The following ZNF318 variants were observed in gnomAD, a reference collection of about 807,000 sequenced individuals.
ZNF318 encodes zinc finger protein 318.
ZNF318 carries 51 observed loss-of-function variants against 124.2 expected under a neutral mutation model. That is an observed-to-expected ratio of 0.41 (90% CI 0.33 to 0.52). The LOEUF (loss-of-function observed/expected upper bound fraction) is 0.52. Ranked by LOEUF, ZNF318 falls within the 20% of genes least tolerant of loss-of-function variation. The pLI is 0.23. For synonymous variants in ZNF318, 1,090 were observed against 1,040.7 expected (o/e 1.05, Z -0.91); for missense variants, 2,815 against 2,811.2 (o/e 1.00, Z -0.03).
rs1779620091 is a variant in ZNF318 at position 43,357,161 on chromosome 6, G to A, written c.1153C>T (p.Arg385Trp). The A allele has an allele frequency of 3.1e-6, 5 of 1,613,870 alleles. No individual in the cohort carries two copies. The highest frequency in any genetic ancestry group is 3.4e-6 in the Non-Finnish European group (4 of 1,179,874). Residue 385 changes from arginine to tryptophan, a missense_variant, in exon 3 of 10, where the codon CGG (arginine) becomes TGG (tryptophan). Arg to Trp is a moderately radical substitution (Grantham distance 101, BLOSUM62 -3). Around this residue, in one of 4 missense-constraint regions of ZNF318, gnomAD observed 1,377 missense variants for 1,353.5 expected, o/e 1.02. Coordinates refer to ENST00000361428, the MANE Select transcript of ZNF318 (RefSeq NM_014345.3). ...GGCTCCATTATGTCCACCTCAATCC[G>A]CTTCTTCAAAATGGATTTCTTGGGC... ...VMPKKSILKKRIEVDIMEPSM... is the reference protein window; with the variant it reads ...VMPKKSILKKWIEVDIMEPSM...
Position 43,357,596 on chromosome 6 carries a change from T to C in ZNF318, c.718A>G (p.Ile240Val), listed in dbSNP as rs1456860487. ...FLHRSDYSPH[I>V]SCHDELLRGT... The stretch of plus-strand genomic sequence containing the variant: ...CGCAACAGCTCATCATGACAACTGA[T>C]ATGGGGACTATAATCAGATCGATGC... Residue 240 changes from isoleucine to valine, a missense_variant, in exon 3 of 10, where the codon ATC becomes GTC. Physicochemically the swap from Ile to Val is conservative, Grantham distance 29. Transcript: ENST00000361428. 3.1e-6 allele frequency: 5 copies of C among 1,614,146 alleles called. No homozygotes were observed. The highest frequency in any genetic ancestry group is 2.2e-5 in the South Asian group (2 of 91,080).
intron 6 of ZNF318, among the ~76,000 whole-genome samples, chr6:43,344,554 G>A (rs1417726502): frequency 2.0e-5 from 3 of 152,138 alleles, no homozygotes; most frequent in Admixed American, 6.5e-5. Context: ...ATGTAAATCG[G>A]CATACAGCGT....
chr6:43,339,307 T>C lies in ZNF318; in HGVS notation c.4691A>G (p.Asn1564Ser), dbSNP rs377728999. 7 of 1,614,110 alleles carry C rather than the reference T, an allele frequency of 4.3e-6. No individual in the cohort carries two copies. Among genetic ancestry groups the C allele is most frequent in the Non-Finnish European group, 5.1e-6 (6 of 1,180,048 alleles). ...EKRNSCLATA[N>S]AKDLYDIFYS... ...GAATATGTCATACAGGTCCTTAGCA[T>C]TGGCTGTGGCTAAGCATGAATTTCG... Residue 1564 changes from asparagine to serine, a missense_variant, in exon 10 of 10, where the codon AAT (asparagine) becomes AGT (serine). Physicochemically the swap from Asn to Ser is conservative, Grantham distance 46 (BLOSUM62 1). Around this residue, in one of 4 missense-constraint regions of ZNF318, gnomAD observed 11 missense variants for 31.9 expected, o/e 0.35. Transcript: ENST00000361428. This position sits in a 1 kb window ranked among gnomAD's most constrained non-coding sequence, Gnocchi z 4.2.
rs73416705 is a variant in ZNF318, at chr6:43,360,382, C to T, written c.549-2617G>A. Among the ~76,000 whole-genome samples the T allele has an allele frequency of 1.8e-3, 271 of 152,320 alleles. 2 individuals are homozygous for T. The highest frequency in any genetic ancestry group is 6.1e-3 in the African/African-American group (253 of 41,576). Reference sequence around the variant, plus strand: ...CAAAAGGATATGAGAAGAGAACTGGCTGTAGTAAGAACCCTAAAAAGGGTA... The same window carrying T: ...CAAAAGGATATGAGAAGAGAACTGGTTGTAGTAAGAACCCTAAAAAGGGTA... On this transcript the variant is annotated intron_variant, in intron 2 of 9. Transcript: ENST00000361428.
At chr6:43,346,524 CAA>C (rs59587962) in intron 6 of ZNF318, among the ~76,000 whole-genome samples, 2,904 of 104,532 alleles carry the variant, frequency 0.028, 69 homozygotes, top group African/African-American at 0.065. Flanking sequence ...CATCTTTAAC[CAA>C]AAAAAAAAAA....
intron 4 of ZNF318, among the ~76,000 whole-genome samples, chr6:43,353,804 T>G (rs1018642618): frequency 6.6e-6 from 1 of 152,248 alleles, no homozygotes; most frequent in East Asian, 1.9e-4. Context: ...AAAATTCTTC[T>G]ATTATGTATT....
At chr6:43,352,171 T>TCACCAC (rs1779536107) in intron 5 of ZNF318, among the ~76,000 whole-genome samples, 5 of 56,740 alleles carry the variant, frequency 8.8e-5, no homozygotes, top group African/African-American at 6.2e-4. Context: ...ATCATCATCA[T>TCACCAC]CATCATCATC....
intron 5 of ZNF318, among the ~76,000 whole-genome samples, chr6:43,352,119 G>C (rs564521716): frequency 8.6e-5 from 6 of 70,128 alleles, no homozygotes; most frequent in Non-Finnish European, 1.5e-4. Flanking sequence ...ACTCCAGCCT[G>C]GGTGAAAGAG....
chr6:43,359,111 G>C (rs1052910188), intron 2 of ZNF318, among the ~76,000 whole-genome samples: 33 of 152,164 alleles, frequency 2.2e-4, no homozygotes, highest in Non-Finnish European at 1.0e-4. Flanking sequence ...ATAAGATTTA[G>C]AAGGTTCTCC....
rs916943674 is a variant in ZNF318, at chr6:43,369,523, C to G, written c.-158G>C. The G allele has an allele frequency of 2.3e-5, 10 of 426,158 alleles. No homozygotes were observed. Among genetic ancestry groups the G allele is most frequent in the Non-Finnish European group, 2.5e-5 (8 of 318,436 alleles). The allele number at this position is 426,158 out of a possible 1,614,324, so 26.4% of individuals were successfully genotyped here. A position where few individuals can be genotyped will look rare whatever the true frequency, so the allele number is the denominator to read the frequency against. On this transcript the variant is annotated 5_prime_UTR_variant, in exon 1 of 10. Transcript: ENST00000361428. ...CCCTCCCCTCGGCCCCGCGTCGCCC[C>G]GGGGGCCCGGCCGAGCGCGCCCCCG...
Position 43,338,081 on chromosome 6 carries a change from C to T in ZNF318, c.5917G>A (p.Glu1973Lys), listed in dbSNP as rs1164278906. 3 of 1,614,170 alleles carry T rather than the reference C, an allele frequency of 1.9e-6. No homozygotes were observed. The highest frequency in any genetic ancestry group is 2.5e-6 in the Non-Finnish European group (3 of 1,180,030). ...TCCAGTGCTTCTGTTTTTGGTTTCTCTGGGCTCTCCCAGGTCTCTGGCCTC... is the reference window on the plus strand; with the variant it reads ...TCCAGTGCTTCTGTTTTTGGTTTCTTTGGGCTCTCCCAGGTCTCTGGCCTC... Reference protein sequence around the residue: ...KKRPETWESPEKPKTEALELQ... With the variant: ...KKRPETWESPKKPKTEALELQ... The change falls in exon 10 of 10, where the codon GAG (glutamate) becomes AAG (lysine). Residue 1973 changes from glutamate (E) to lysine (K), a missense_variant. This residue lies in a region of ZNF318 where 927 missense variants were observed against 820.6 expected (regional missense o/e 1.13). Coordinates refer to ENST00000361428, the MANE Select transcript of ZNF318 (RefSeq NM_014345.3).
At chr6:43,361,002 T>C (rs1023868305) in intron 2 of ZNF318, among the ~76,000 whole-genome samples, 1 of 152,182 alleles carries the variant, frequency 6.6e-6, no homozygotes, top group African/African-American at 2.4e-5. Flanking sequence ...TAAAATTGAT[T>C]GTAGTGAGGG....
intron 6 of ZNF318, among the ~76,000 whole-genome samples, chr6:43,347,960 T>C (rs1385891329): frequency 1.3e-5 from 2 of 152,170 alleles, no homozygotes; most frequent in Non-Finnish European, 2.9e-5. Flanking sequence ...AGAAGTAAAA[T>C]GTATTTACTG....
rs1162381558 is a variant in ZNF318, at chr6:43,338,617, T to A, written c.5381A>T (p.Asp1794Val). 6.2e-7 allele frequency: 1 copy of A among 1,614,042 alleles called. No homozygotes were observed. The highest frequency in any genetic ancestry group is 2.2e-5 in the East Asian group (1 of 44,900). The change falls in exon 10 of 10, where the codon GAT becomes GTT. Residue 1794 changes from aspartate (D) to valine (V), a missense_variant. Coordinates refer to ENST00000361428, the MANE Select transcript of ZNF318 (RefSeq NM_014345.3). Reference sequence around the variant, plus strand: ...TCCAATGCTGGTACTTACTCCCTCATCAACTATCCCCTCAGACAGCTCCTT... The same window carrying A: ...TCCAATGCTGGTACTTACTCCCTCAACAACTATCCCCTCAGACAGCTCCTT... ...RVKELSEGIV[D>V]EGVSTSIGPH... is the part of the protein sequence containing the mutation.
intron 9 of ZNF318, 58 bp downstream of exon 9, chr6:43,340,732 A>G: frequency 6.5e-7 from 1 of 1,548,420 alleles, no homozygotes. Flanking sequence ...CATTTGACAA[A>G]GTCAAAATAA....
In ZNF318 at chr6:43,339,655, G is replaced by A; in HGVS notation, c.4343C>T (p.Pro1448Leu). 3 of 1,611,686 alleles carry A rather than the reference G, an allele frequency of 1.9e-6. No homozygotes were observed. Residue 1448 changes from proline (P) to leucine (L), a missense_variant, in exon 10 of 10, where the codon CCA becomes CTA. Pro to Leu is a moderately conservative substitution (Grantham distance 98, BLOSUM62 -3). Coordinates refer to ENST00000361428, the MANE Select transcript of ZNF318 (RefSeq NM_014345.3). This position sits in a 1 kb window ranked among gnomAD's most constrained non-coding sequence, Gnocchi z 4.2. ...GGGGGGTGGTGGAGGTGGTGGAGGTGGGGGTGGTGGAGGAGGTGGTAGTAT... is the reference window on the plus strand; with the variant it reads ...GGGGGGTGGTGGAGGTGGTGGAGGTAGGGGTGGTGGAGGAGGTGGTAGTAT... ...EQILPPPPPP[P>L]PPPPPPPPVI...
chr6:43,340,510 G>A lies in ZNF318; in HGVS notation c.3496-8C>T. The A allele has an allele frequency of 6.4e-7, 1 of 1,567,452 alleles. No homozygotes were observed. The highest frequency in any genetic ancestry group is 8.6e-7 in the Non-Finnish European group (1 of 1,163,176). ...GTTTTCATCCACATATTTCTGGGAA[G>A]AAAAAAGATAAAGACTCAAAAACTG... On this transcript the variant is annotated splice_polypyrimidine_tract_variant and splice_region_variant and intron_variant, in intron 9 of 9. Transcript: ENST00000361428.
At chr6:43,352,261 A>AGAATTCTTTG in intron 5 of ZNF318, 116 bp downstream of exon 5, 1 of 757,358 alleles carries the variant, frequency 1.3e-6, no homozygotes, top group Non-Finnish European at 2.2e-6. Flanking sequence ...AAGTTTAATT[A>AGAATTCTTTG]CGTCAAAAAA....
intron 6 of ZNF318, among the ~76,000 whole-genome samples, chr6:43,345,778 G>A (rs1043825741): frequency 6.6e-6 from 1 of 152,194 alleles, no homozygotes; most frequent in Non-Finnish European, 1.5e-5. Context: ...CATATTGTAT[G>A]CAATGGGAAA....
Sources: gnomAD v4.1 joint callset for allele counts (sites outside exome capture counted in the v4.1 genomes callset) on GRCh38, gnomAD v4.1.1 for gene constraint, gnomAD v4.1.1 regional missense constraint, Gnocchi (gnomAD v3.1) non-coding constraint, MANE v1.5 for transcripts, NCBI Gene and HGNC (gene_info 2026-07-23, HGNC 2026-07-21) for gene names.